Variants in SEMA3C observed in about 807,000 individuals in gnomAD.
SEMA3C encodes semaphorin-3C.
Under a neutral mutation model 89.4 loss-of-function variants are expected in SEMA3C, and 47 were observed. The observed-to-expected ratio is 0.53, with a 90% CI of 0.42 to 0.67. The LOEUF is 0.67. SEMA3C is among the 30% of genes least tolerant of loss of function. The probability of loss-of-function intolerance (pLI) is 0.00; values close to 1 mark genes in which losing one functional copy is unlikely to be tolerated. For missense variants in SEMA3C, 839 were observed against 929.1 expected, an observed-to-expected ratio of 0.90 and a Z score of 1.26; for synonymous variants, 310 against 320.2, an observed-to-expected ratio of 0.97 and a Z score of 0.34.
chr7:80,794,051 T>C (rs1364972786), intron 11 of SEMA3C, among the ~76,000 whole-genome samples: 1 of 152,106 alleles, frequency 6.6e-6, no homozygotes, highest in Non-Finnish European at 1.5e-5. Context: ...AGACTTGTGC[T>C]TATGTATTAG....
At chr7:80,913,139 G>A (rs1047223643) in intron 2 of SEMA3C, among the ~76,000 whole-genome samples, 1 of 152,138 alleles carries the variant, frequency 6.6e-6, no homozygotes, top group East Asian at 1.9e-4. Context: ...AGTGGCTCAC[G>A]CCTGTAATGT....
intron 13 of SEMA3C, among the ~76,000 whole-genome samples, chr7:80,763,441 T>C (rs1365673261): frequency 6.6e-6 from 1 of 152,158 alleles, no homozygotes; most frequent in Non-Finnish European, 1.5e-5. Flanking sequence ...CACACATCAG[T>C]AAGAAAACTC....
intron 2 of SEMA3C, among the ~76,000 whole-genome samples, chr7:80,874,088 CCTT>C (rs878893088): frequency 2.0e-5 from 3 of 152,154 alleles, no homozygotes; most frequent in Admixed American, 2.0e-4. Context: ...TTACTGTACT[CCTT>C]GTTTATACTA....
At chr7:80,881,652 T>C (rs1331094631) in intron 2 of SEMA3C, among the ~76,000 whole-genome samples, 2 of 152,196 alleles carry the variant, frequency 1.3e-5, no homozygotes, top group African/African-American at 2.4e-5. Context: ...TTAGTAATCA[T>C]GGGAACAATT....
intron 5 of SEMA3C, among the ~76,000 whole-genome samples, chr7:80,814,610 A>G (rs369011111): frequency 5.5e-4 from 83 of 152,180 alleles, no homozygotes; most frequent in South Asian, 2.3e-3. Flanking sequence ...ACTTGATATC[A>G]CTAATTGGAT....
intron 2 of SEMA3C, among the ~76,000 whole-genome samples, chr7:80,862,872 G>T (rs886071073): frequency 2.6e-5 from 4 of 152,008 alleles, no homozygotes; most frequent in African/African-American, 9.7e-5. Context: ...AATGGTGCTG[G>T]GATAATTGGC....
chr7:80,762,726 T>C (rs1430579267), intron 13 of SEMA3C, among the ~76,000 whole-genome samples: 2 of 152,112 alleles, frequency 1.3e-5, no homozygotes, highest in African/African-American at 4.8e-5. Flanking sequence ...GGCAGGAGAA[T>C]TGCTTGAACC....
chr7:80,767,996 T>C (rs1788341682), intron 12 of SEMA3C, among the ~76,000 whole-genome samples: 1 of 152,210 alleles, frequency 6.6e-6, no homozygotes, highest in Non-Finnish European at 1.5e-5. Flanking sequence ...ATAATGTTTA[T>C]ACAAAAGAGC....
intron 2 of SEMA3C, among the ~76,000 whole-genome samples, chr7:80,843,689 C>A (rs1400488788): frequency 6.6e-6 from 1 of 152,066 alleles, no homozygotes; most frequent in African/African-American, 2.4e-5. Context: ...AGCTTTAGGG[C>A]ATTACTCCAG....
intron 12 of SEMA3C, among the ~76,000 whole-genome samples, chr7:80,775,698 G>C (rs1334216198): frequency 1.3e-5 from 2 of 151,890 alleles, no homozygotes; most frequent in East Asian, 3.9e-4. Flanking sequence ...TTTTACACAT[G>C]GTTTGAAGAT....
intron 16 of SEMA3C, among the ~76,000 whole-genome samples, chr7:80,750,473 T>TATATATATATAC (rs869227686): frequency 1.8e-5 from 1 of 55,460 alleles, no homozygotes; most frequent in African/African-American, 7.4e-5. Flanking sequence ...TATATATATA[T>TATATATATATAC]ACACACACAC....
intron 6 of SEMA3C, among the ~76,000 whole-genome samples, chr7:80,809,457 A>C (rs926186674): frequency 2.0e-5 from 3 of 152,288 alleles, no homozygotes; most frequent in South Asian, 2.1e-4. Context: ...GAAATGCTGG[A>C]TCATATGGTG....
At chr7:80,788,582 A>G (rs1051834372) in intron 12 of SEMA3C, among the ~76,000 whole-genome samples, 3 of 152,198 alleles carry the variant, frequency 2.0e-5, no homozygotes, top group African/African-American at 7.2e-5. Context: ...GCTCTATAAC[A>G]TACAATGCTA....
chr7:80,788,795 T>A (rs549657281), intron 12 of SEMA3C, among the ~76,000 whole-genome samples: 1 of 152,314 alleles, frequency 6.6e-6, no homozygotes, highest in South Asian at 2.1e-4. Flanking sequence ...AATGGCTTCA[T>A]GTATTGATTA....
chr7:80,908,820 T>C (rs1480424329), intron 2 of SEMA3C, among the ~76,000 whole-genome samples: 2 of 152,172 alleles, frequency 1.3e-5, no homozygotes, highest in Non-Finnish European at 2.9e-5. Flanking sequence ...GCTGTCACTA[T>C]ATAAGTGTTA....
chr7:80,906,016 A>C, intron 2 of SEMA3C: 1 of 568,266 alleles, frequency 1.8e-6, no homozygotes, highest in Non-Finnish European at 2.8e-6. Context: ...TAGAGAGCAA[A>C]AGAAGGAGAG....
intron 2 of SEMA3C, among the ~76,000 whole-genome samples, chr7:80,854,752 T>C (rs1325999306): frequency 6.6e-6 from 1 of 152,216 alleles, no homozygotes; most frequent in Non-Finnish European, 1.5e-5. Context: ...ATACCTAACT[T>C]ACTGTTCACC....
intron 12 of SEMA3C, among the ~76,000 whole-genome samples, chr7:80,780,538 TAA>T (rs1044617965): frequency 3.3e-5 from 5 of 152,298 alleles, no homozygotes; most frequent in Non-Finnish European, 5.9e-5. Flanking sequence ...CTAGTTGTAT[TAA>T]GTTTCTATTG....
intron 2 of SEMA3C, among the ~76,000 whole-genome samples, chr7:80,904,575 G>T (rs142201132): frequency 6.6e-6 from 1 of 152,288 alleles, no homozygotes; most frequent in African/African-American, 2.4e-5. Context: ...CAACTGTTGA[G>T]TAAGGGGGCT....
Sources: gnomAD v4.1 joint callset for allele counts (sites outside exome capture counted in the v4.1 genomes callset) on GRCh38, gnomAD v4.1.1 for gene constraint, MANE v1.5 for transcripts, NCBI Gene and HGNC (gene_info 2026-07-23, HGNC 2026-07-21) for gene names.